The following PTGIS variants were observed in gnomAD, a reference collection of about 807,000 sequenced individuals.
The protein encoded by PTGIS is prostaglandin I2 synthase.
In PTGIS, 45 loss-of-function variants were observed where a neutral mutation model predicts 50.3. The observed-to-expected ratio is 0.90, with a 90% CI of 0.70 to 1.15. PTGIS has a LOEUF of 1.15. Ranked by LOEUF, PTGIS falls within the 50% of genes most tolerant of loss-of-function variation. The pLI is 0.00. For synonymous variants in PTGIS, 260 were observed against 267.7 expected (o/e 0.97, Z 0.28); for missense variants, 668 against 661.3 (o/e 1.01, Z -0.11).
intron 9 of PTGIS, 95 bp from the exon 10 acceptor site, chr20:49,508,159 G>A: frequency 7.0e-7 from 1 of 1,429,448 alleles, no homozygotes; most frequent in Non-Finnish European, 9.7e-7. Context: ...TCCTAAGTCT[G>A]ACTCCAACTT....
At chr20:49,518,672 C>CA (rs1236695584) in intron 6 of PTGIS, among the ~76,000 whole-genome samples, 1 of 149,146 alleles carries the variant, frequency 6.7e-6, no homozygotes, top group African/African-American at 2.5e-5. Context: ...AAAAAACAAA[C>CA]AAAAAAACCA....
At chr20:49,566,997 T>C (rs2122915397) in intron 1 of PTGIS, among the ~76,000 whole-genome samples, 1 of 152,306 alleles carries the variant, frequency 6.6e-6, no homozygotes, top group East Asian at 1.9e-4. Flanking sequence ...TTTGCAACTT[T>C]CTGTAAATCC....
chr20:49,536,263 A>G (rs1354335996), intron 5 of PTGIS, among the ~76,000 whole-genome samples: 2 of 152,206 alleles, frequency 1.3e-5, no homozygotes, highest in African/African-American at 4.8e-5. Context: ...GTAACTCTGA[A>G]TTGTTAACCA....
At chr20:49,533,973 A>G (rs1601190574) in intron 5 of PTGIS, among the ~76,000 whole-genome samples, 1 of 104,686 alleles carries the variant, frequency 9.6e-6, no homozygotes. Flanking sequence ...AAGCAAAAAC[A>G]TATATATATA....
chr20:49,515,113 G>A (rs1477414902), intron 6 of PTGIS, among the ~76,000 whole-genome samples: 1 of 152,166 alleles, frequency 6.6e-6, no homozygotes, highest in African/African-American at 2.4e-5. Context: ...TAACTGGTGT[G>A]ATATCTAAAG....
rs577495247 is a variant in PTGIS, at chr20:49,517,479, C to T, written c.856-3084G>A. 2.2e-3 allele frequency among the ~76,000 whole-genome samples: 327 copies of T among 151,660 alleles called. 4 individuals are homozygous for T. The highest frequency in any genetic ancestry group is 0.016 in the Admixed American group (245 of 15,234). ...GTGTGTGTGTGTGTGTGTGTGTGTG[C>T]ACACACAACCATAAGAGATCCTGAA... On this transcript the variant is annotated intron_variant, in intron 6 of 9. Coordinates refer to ENST00000244043, the MANE Select transcript of PTGIS (RefSeq NM_000961.4).
intron 5 of PTGIS, among the ~76,000 whole-genome samples, chr20:49,526,932 T>A (rs1007202100): frequency 6.6e-6 from 1 of 152,142 alleles, no homozygotes; most frequent in Non-Finnish European, 1.5e-5. Flanking sequence ...CTCAGAAAGT[T>A]AAAGAATTAC....
intron 1 of PTGIS, among the ~76,000 whole-genome samples, chr20:49,555,982 T>G (rs1338617919): frequency 1.3e-5 from 2 of 152,258 alleles, no homozygotes; most frequent in African/African-American, 4.8e-5. Flanking sequence ...TTGCATGAAC[T>G]GAACTAACAG....
intron 6 of PTGIS, among the ~76,000 whole-genome samples, chr20:49,514,740 G>A (rs553333364): frequency 6.6e-6 from 1 of 152,206 alleles, no homozygotes; most frequent in Non-Finnish European, 1.5e-5. Context: ...TGATCACATT[G>A]TTGGCCCCAA....
chr20:49,534,484 T>TC (rs1555804323), intron 5 of PTGIS, among the ~76,000 whole-genome samples: 3 of 152,052 alleles, frequency 2.0e-5, no homozygotes, highest in African/African-American at 7.2e-5. Flanking sequence ...CCCAGAGTGA[T>TC]GGGGGGAGTT....
At chr20:49,547,762 CAA>C in intron 3 of PTGIS, 77 bp downstream of exon 3, 1 of 1,502,242 alleles carries the variant, frequency 6.7e-7, no homozygotes, top group South Asian at 1.1e-5. Context: ...GCTTTGGAAC[CAA>C]GAATAACTTG....
chr20:49,520,963 G>A (rs897751188), intron 6 of PTGIS, among the ~76,000 whole-genome samples: 9 of 152,212 alleles, frequency 5.9e-5, no homozygotes, highest in Non-Finnish European at 1.2e-4. Flanking sequence ...CAGCTTATGT[G>A]TTTATTAATT....
At chr20:49,515,306 C>T (rs976971324) in intron 6 of PTGIS, among the ~76,000 whole-genome samples, 10 of 152,172 alleles carry the variant, frequency 6.6e-5, no homozygotes, top group Non-Finnish European at 1.3e-4. Flanking sequence ...ATTTAAACTT[C>T]CCAATAGATA....
intron 5 of PTGIS, among the ~76,000 whole-genome samples, chr20:49,526,579 G>C (rs974340572): frequency 6.6e-6 from 1 of 152,182 alleles, no homozygotes; most frequent in Admixed American, 6.5e-5. Flanking sequence ...TAATATATCT[G>C]ATAAGGGTCT....
At position 49,568,121 on chromosome 20, in the gene PTGIS, G is replaced by GGGCTGGCGGGGCTGGCGGGGCTGGCGA. The variant is rs1982955714; in HGVS notation, c.-6_-5insTCGCCAGCCCCGCCAGCCCCGCCAGCC. 7 of 1,062,134 alleles carry GGGCTGGCGGGGCTGGCGGGGCTGGCGA rather than the reference G, an allele frequency of 6.6e-6. No individual in the cohort carries two copies. The highest frequency in any genetic ancestry group is 8.7e-6 in the Non-Finnish European group (7 of 808,088). The allele number at this position is 1,062,134 out of a possible 1,614,324, so 65.8% of individuals were successfully genotyped here. ...GAGGAGCGCGGCCCAAGCCATCGCG[G>GGGCTGGCGGGGCTGGCGGGGCTGGCGA]GGCTGGCGGGGCTGGCGGGGCTGGC... On this transcript the variant is annotated 5_prime_UTR_variant, in exon 1 of 10. Coordinates refer to ENST00000244043, the MANE Select transcript of PTGIS (RefSeq NM_000961.4).
chr20:49,534,293 T>G (rs1267635085), intron 5 of PTGIS, among the ~76,000 whole-genome samples: 1 of 152,250 alleles, frequency 6.6e-6, no homozygotes, highest in Non-Finnish European at 1.5e-5. Flanking sequence ...CATTTTATTT[T>G]ATGTTTCAGC....
intron 5 of PTGIS, among the ~76,000 whole-genome samples, chr20:49,534,875 AC>A (rs1222200063): frequency 6.6e-6 from 1 of 152,212 alleles, no homozygotes; most frequent in Non-Finnish European, 1.5e-5. Flanking sequence ...GCTCAGTGGC[AC>A]GTGCCTGTAG....
At chr20:49,560,581 G>C (rs572348796) in intron 1 of PTGIS, among the ~76,000 whole-genome samples, 1 of 150,036 alleles carries the variant, frequency 6.7e-6, no homozygotes, top group South Asian at 2.1e-4. Flanking sequence ...GACAGTGAGG[G>C]GGGCTGGTTT....
intron 5 of PTGIS, among the ~76,000 whole-genome samples, chr20:49,525,946 C>A (rs770519980): frequency 2.6e-5 from 4 of 152,058 alleles, no homozygotes; most frequent in African/African-American, 9.7e-5. Flanking sequence ...TCAAATAATA[C>A]GCTGAATATG....
Sources: gnomAD v4.1 joint callset for allele counts (sites outside exome capture counted in the v4.1 genomes callset) on GRCh38, gnomAD v4.1.1 for gene constraint, MANE v1.5 for transcripts, NCBI Gene and HGNC (gene_info 2026-07-23, HGNC 2026-07-21) for gene names.